Variants in CDYL2 observed in about 807,000 individuals in gnomAD.
CDYL2 encodes the protein chromodomain Y like 2, also known as chromodomain Y-like protein 2.
CDYL2 carries 23 observed loss-of-function variants against 49.4 expected under a neutral mutation model. That is an observed-to-expected ratio of 0.47 (90% CI 0.34 to 0.66). The LOEUF (loss-of-function observed/expected upper bound fraction) is 0.66, where lower values mean the gene tolerates loss of function less well. Ranked by LOEUF, CDYL2 falls within the 30% of genes least tolerant of loss-of-function variation. CDYL2 has a pLI of 0.01. For missense variants in CDYL2, 678 were observed against 656.4 expected, an observed-to-expected ratio of 1.03 and a Z score of -0.36; for synonymous variants, 360 against 268.8, an observed-to-expected ratio of 1.34 and a Z score of -3.32.
chr16:80,668,708 G>A (rs146899976), intron 2 of CDYL2, among the ~76,000 whole-genome samples: 2,453 of 152,060 alleles, frequency 0.016, 23 homozygotes, highest in Non-Finnish European at 0.018. Context: ...AGACCAGCCT[G>A]GCCAACATGG....
intron 1 of CDYL2, among the ~76,000 whole-genome samples, chr16:80,798,748 C>T (rs982866473): frequency 1.3e-5 from 2 of 152,048 alleles, no homozygotes; most frequent in Admixed American, 6.6e-5. Flanking sequence ...TATTGTCCAA[C>T]GGCCAACTTT....
intron 2 of CDYL2, among the ~76,000 whole-genome samples, chr16:80,658,339 A>G (rs1193323529): frequency 6.6e-6 from 1 of 152,190 alleles, no homozygotes; most frequent in East Asian, 1.9e-4. Context: ...AATAAACCTA[A>G]TCGTCTTTCA....
intron 1 of CDYL2, among the ~76,000 whole-genome samples, chr16:80,733,688 T>A (rs1359501235): frequency 6.6e-6 from 1 of 152,198 alleles, no homozygotes; most frequent in Non-Finnish European, 1.5e-5. Context: ...AAGCTGCCCA[T>A]AGGTGCTCTA....
intron 5 of CDYL2, among the ~76,000 whole-genome samples, chr16:80,610,719 C>A (rs1906555638): frequency 6.6e-6 from 1 of 152,194 alleles, no homozygotes; most frequent in Non-Finnish European, 1.5e-5. Context: ...ATGATGACAG[C>A]ACCAAGCTCC....
chr16:80,722,431 G>C (rs1465715096), intron 1 of CDYL2, among the ~76,000 whole-genome samples: 1 of 152,088 alleles, frequency 6.6e-6, no homozygotes, highest in African/African-American at 2.4e-5. Flanking sequence ...ATTTACCCAG[G>C]AACTCACCCT....
At chr16:80,681,525 A>G (rs931012105) in intron 2 of CDYL2, among the ~76,000 whole-genome samples, 4 of 152,192 alleles carry the variant, frequency 2.6e-5, no homozygotes, top group African/African-American at 4.8e-5. Flanking sequence ...GGTCTTGTCC[A>G]GGAACCTCAA....
chr16:80,679,884 C>T (rs1909903668), intron 2 of CDYL2: 1 of 426,012 alleles, frequency 2.3e-6, no homozygotes, highest in African/African-American at 2.0e-5. Flanking sequence ...CTCCACACTA[C>T]ACCTACTAAA....
intron 1 of CDYL2, among the ~76,000 whole-genome samples, chr16:80,743,090 T>G (rs1417966881): frequency 6.6e-6 from 1 of 152,102 alleles, no homozygotes; most frequent in African/African-American, 2.4e-5. Flanking sequence ...TCATTGATGG[T>G]CTAAATCACA....
At chr16:80,787,448 C>G (rs1907474064) in intron 1 of CDYL2, among the ~76,000 whole-genome samples, 2 of 152,182 alleles carry the variant, frequency 1.3e-5, no homozygotes, top group African/African-American at 4.8e-5. Context: ...ACTGGGTGAT[C>G]ATAAGGATAC....
chr16:80,747,466 C>T (rs528798975), intron 1 of CDYL2, among the ~76,000 whole-genome samples: 4 of 152,294 alleles, frequency 2.6e-5, no homozygotes, highest in Non-Finnish European at 2.9e-5. Context: ...GGACCTATCA[C>T]GTGCTTAATA....
chr16:80,644,021 T>G (rs999179525), intron 2 of CDYL2, among the ~76,000 whole-genome samples: 1 of 152,216 alleles, frequency 6.6e-6, no homozygotes, highest in Non-Finnish European at 1.5e-5. Context: ...CTACAAATTT[T>G]CCAAACTTTT....
intron 1 of CDYL2, among the ~76,000 whole-genome samples, chr16:80,787,179 C>G (rs1907465086): frequency 6.6e-6 from 1 of 152,070 alleles, no homozygotes; most frequent in Non-Finnish European, 1.5e-5. Context: ...TGCCGGGAGT[C>G]TAGTTAAGAG....
intron 1 of CDYL2, among the ~76,000 whole-genome samples, chr16:80,721,847 T>C (rs1030943216): frequency 6.6e-6 from 1 of 152,116 alleles, no homozygotes; most frequent in African/African-American, 2.4e-5. Flanking sequence ...GTCCCCACAG[T>C]TCCTTTGCCC....
At chr16:80,756,488 AT>A (rs1217300676) in intron 1 of CDYL2, among the ~76,000 whole-genome samples, 2 of 152,250 alleles carry the variant, frequency 1.3e-5, no homozygotes, top group African/African-American at 2.4e-5. Context: ...GAAACAAGGA[AT>A]TTTTTGGGTA....
chr16:80,696,655 A>G (rs1296583359), intron 1 of CDYL2, among the ~76,000 whole-genome samples: 1 of 152,078 alleles, frequency 6.6e-6, no homozygotes, highest in Non-Finnish European at 1.5e-5. Flanking sequence ...ATTAAACAGG[A>G]AATACAAAAT....
At chr16:80,790,486 T>G (rs1361387708) in intron 1 of CDYL2, among the ~76,000 whole-genome samples, 2 of 152,226 alleles carry the variant, frequency 1.3e-5, no homozygotes, top group Non-Finnish European at 2.9e-5. Flanking sequence ...TCCCTTCCTC[T>G]TTCTATTAAA....
intron 4 of CDYL2, among the ~76,000 whole-genome samples, chr16:80,619,646 T>C (rs1109547): frequency 0.44 from 66,305 of 152,020 alleles, 17,051 homozygotes; most frequent in African/African-American, 0.72. Flanking sequence ...AAGCGCAAAC[T>C]GTGTGGGCAC....
At position 80,721,318 on chromosome 16, in the gene CDYL2, G is replaced by C. The variant is rs148752801; in HGVS notation, c.25-36189C>G. The stretch of plus-strand genomic sequence containing the variant: ...CCCATTTGATACCTAAGAAAACCGA[G>C]GCTCAGAAAAATTAAAGGGTTTGCC... On this transcript the variant is annotated intron_variant, in intron 1 of 6. Coordinates refer to ENST00000570137, the MANE Select transcript of CDYL2 (RefSeq NM_152342.4). Among the ~76,000 whole-genome samples, 93 of 152,280 alleles carry C rather than the reference G, an allele frequency of 6.1e-4. No homozygotes were observed. The Middle Eastern group carries it at 0.014, about 22-fold the overall frequency.
At chr16:80,699,478 TAG>T (rs1229229312) in intron 1 of CDYL2, among the ~76,000 whole-genome samples, 1 of 152,092 alleles carries the variant, frequency 6.6e-6, no homozygotes, top group Non-Finnish European at 1.5e-5. Flanking sequence ...CTCATAGAAG[TAG>T]AGAGTAGAAC....
Sources: gnomAD v4.1 joint callset for allele counts (sites outside exome capture counted in the v4.1 genomes callset) on GRCh38, gnomAD v4.1.1 for gene constraint, MANE v1.5 for transcripts, NCBI Gene and HGNC (gene_info 2026-07-23, HGNC 2026-07-21) for gene names.